Variants in GALNT17 observed in about 807,000 individuals in gnomAD.
GALNT17 encodes UDP-GalNAc:polypeptide N-acetylgalactosaminyltransferase-like 3.
GALNT17 carries 29 observed loss-of-function variants against 63.7 expected under a neutral mutation model. The ratio of observed to expected loss-of-function variants is 0.46; its 90% CI spans 0.34 to 0.62. The LOEUF (loss-of-function observed/expected upper bound fraction) is 0.62, where lower values mean the gene tolerates loss of function less well. Among genes scored for constraint, GALNT17 ranks in the 20% least tolerant of loss-of-function variants. The probability of loss-of-function intolerance (pLI) is 0.01; values close to 1 mark genes in which losing one functional copy is unlikely to be tolerated. For synonymous variants in GALNT17, 305 were observed against 318.3 expected, an observed-to-expected ratio of 0.96 and a Z score of 0.45; for missense variants, 603 against 799.6, an observed-to-expected ratio of 0.75 and a Z score of 2.97.
At chr7:71,318,423 TGTG>T (rs1562997980) in intron 1 of GALNT17, among the ~76,000 whole-genome samples, 1 of 144,488 alleles carries the variant, frequency 6.9e-6, no homozygotes, top group Non-Finnish European at 1.5e-5. Context: ...TTTTTTTTTG[TGTG>T]TGTGTGGGGG....
chr7:71,559,862 T>C (rs192011965), intron 5 of GALNT17, among the ~76,000 whole-genome samples: 1 of 149,906 alleles, frequency 6.7e-6, no homozygotes, highest in Non-Finnish European at 1.5e-5. Flanking sequence ...TTCTGTCTTA[T>C]GTATTAAAAA....
intron 1 of GALNT17, among the ~76,000 whole-genome samples, chr7:71,290,398 C>T (rs1790959033): frequency 6.6e-6 from 1 of 152,098 alleles, no homozygotes; most frequent in Admixed American, 6.6e-5. Flanking sequence ...GATTGCGATG[C>T]CGTCTTGCAG....
chr7:71,645,835 A>C (rs1194977608), intron 6 of GALNT17, among the ~76,000 whole-genome samples: 3 of 152,156 alleles, frequency 2.0e-5, no homozygotes, highest in Non-Finnish European at 4.4e-5. Context: ...GTAATTTACC[A>C]ATTGGCAAAT....
At chr7:71,205,822 A>T (rs554578269) in intron 1 of GALNT17, among the ~76,000 whole-genome samples, 86 of 152,214 alleles carry the variant, frequency 5.6e-4, no homozygotes, top group African/African-American at 2.0e-3. Context: ...TGACTCTTTC[A>T]TTGAGTTAGG....
intron 1 of GALNT17, among the ~76,000 whole-genome samples, chr7:71,281,343 A>AT (rs1380398681): frequency 6.6e-6 from 1 of 152,110 alleles, no homozygotes; most frequent in Middle Eastern, 3.2e-3. Flanking sequence ...TGTTTCTATA[A>AT]TTTTTTTAAA....
At chr7:71,691,342 T>C (rs1791440471) in intron 9 of GALNT17, among the ~76,000 whole-genome samples, 1 of 152,264 alleles carries the variant, frequency 6.6e-6, no homozygotes, top group South Asian at 2.1e-4. Flanking sequence ...AAAGGCATGC[T>C]ATTGCACACT....
At chr7:71,660,047 T>C (rs1790883704) in intron 6 of GALNT17, among the ~76,000 whole-genome samples, 1 of 152,224 alleles carries the variant, frequency 6.6e-6, no homozygotes, top group African/African-American at 2.4e-5. Context: ...TGCATTTCCC[T>C]TGCTAGATTA....
chr7:71,559,059 A>G (rs959527934), intron 5 of GALNT17, among the ~76,000 whole-genome samples: 4 of 152,230 alleles, frequency 2.6e-5, no homozygotes, highest in African/African-American at 9.6e-5. Flanking sequence ...AACAAAGGTG[A>G]AAGTGCTACT....
At chr7:71,472,780 C>T (rs1454734756) in intron 5 of GALNT17, among the ~76,000 whole-genome samples, 1 of 152,154 alleles carries the variant, frequency 6.6e-6, no homozygotes, top group African/African-American at 2.4e-5. Flanking sequence ...ACAATGGACC[C>T]TCAGTCCAAA....
chr7:71,243,954 T>C (rs773438730), intron 1 of GALNT17, among the ~76,000 whole-genome samples: 3 of 151,702 alleles, frequency 2.0e-5, no homozygotes, highest in Admixed American at 1.3e-4. Flanking sequence ...AATGAGAAAA[T>C]GGGAAAATGG....
chr7:71,274,680 A>G (rs1446065886), intron 1 of GALNT17, among the ~76,000 whole-genome samples: 4 of 152,198 alleles, frequency 2.6e-5, no homozygotes. Context: ...AGTTCAAAAT[A>G]CATTAAAAGA....
intron 5 of GALNT17, among the ~76,000 whole-genome samples, chr7:71,560,542 AG>A (rs1182433840): frequency 6.6e-6 from 1 of 152,138 alleles, no homozygotes; most frequent in Non-Finnish European, 1.5e-5. Flanking sequence ...GAGAGGGGAG[AG>A]GGTGTGTCAT....
At chr7:71,580,564 T>C (rs1156278255) in intron 6 of GALNT17, among the ~76,000 whole-genome samples, 3 of 151,976 alleles carry the variant, frequency 2.0e-5, no homozygotes, top group African/African-American at 7.3e-5. Flanking sequence ...ATGTGGAAAA[T>C]AGATGATAAA....
At chr7:71,659,374 C>T (rs1158759567) in intron 6 of GALNT17, among the ~76,000 whole-genome samples, 2 of 152,176 alleles carry the variant, frequency 1.3e-5, no homozygotes, top group East Asian at 3.8e-4. Flanking sequence ...TCTTCTGCTC[C>T]ACATGGCCCT....
intron 6 of GALNT17, among the ~76,000 whole-genome samples, chr7:71,591,914 C>T (rs1016398156): frequency 3.3e-5 from 5 of 152,182 alleles, no homozygotes; most frequent in Admixed American, 6.5e-5. Context: ...CCGCCTGCCT[C>T]GGCCTCTCAA....
At chr7:71,613,977 A>T (rs12540669) in intron 6 of GALNT17, among the ~76,000 whole-genome samples, 109,717 of 151,672 alleles carry the variant, frequency 0.72, 40,904 homozygotes, top group East Asian at 0.96. Context: ...CAAAAAACTC[A>T]TAACATGGAG....
intron 5 of GALNT17, among the ~76,000 whole-genome samples, chr7:71,552,484 A>G (rs1271526019): frequency 6.7e-6 from 1 of 148,644 alleles, no homozygotes; most frequent in East Asian, 2.0e-4. Flanking sequence ...TCTGTTGCCC[A>G]GGCTGGAGTG....
chr7:71,340,363 A>G (rs766427626), intron 2 of GALNT17, among the ~76,000 whole-genome samples: 1 of 152,182 alleles, frequency 6.6e-6, no homozygotes, highest in African/African-American at 2.4e-5. Flanking sequence ...TCCCAGCTCC[A>G]TTACCTCTCT....
chr7:71,482,063 A>G (rs931773070), intron 5 of GALNT17, among the ~76,000 whole-genome samples: 3 of 132,570 alleles, frequency 2.3e-5, no homozygotes, highest in Admixed American at 1.6e-4. Context: ...ATTGATGTAT[A>G]GGTATACATA....
Sources: allele counts gnomAD v4.1 joint callset (sites outside exome capture counted in the v4.1 genomes callset), GRCh38; gene constraint gnomAD v4.1.1; transcripts MANE v1.5; gene names NCBI Gene and HGNC (gene_info 2026-07-23, HGNC 2026-07-21).